ANK2: variants seen among roughly 807,000 people sequenced by gnomAD.
ANK2 encodes the protein ankyrin 2, also known as ankyrin-2.
ANK2 carries 83 observed loss-of-function variants against 360.5 expected under a neutral mutation model. That is an observed-to-expected ratio of 0.23 (90% CI 0.19 to 0.28). The LOEUF (loss-of-function observed/expected upper bound fraction) is 0.28. ANK2 is among the 10% of genes least tolerant of loss of function. The probability of loss-of-function intolerance (pLI) is 1.00; values close to 1 mark genes in which losing one functional copy is unlikely to be tolerated. For missense variants in ANK2, 4,201 were observed against 4,795.7 expected, an observed-to-expected ratio of 0.88 and a Z score of 3.66; for synonymous variants, 1,740 against 1,759.5, an observed-to-expected ratio of 0.99 and a Z score of 0.28.
intron 11 of ANK2, 55 bp downstream of exon 11, chr4:113,255,987 C>T (rs2049088151): frequency 6.4e-7 from 1 of 1,565,000 alleles, no homozygotes; most frequent in Non-Finnish European, 8.8e-7. Flanking sequence ...AACAAACCCA[C>T]ATTCATTGAC....
chr4:113,185,017 C>G (rs921965487), intron 2 of ANK2, among the ~76,000 whole-genome samples: 1 of 152,096 alleles, frequency 6.6e-6, no homozygotes, highest in Non-Finnish European at 1.5e-5. Context: ...CGTCCATGTC[C>G]CTGCAAAGGA....
chr4:113,001,842 A>C (rs1242474786), intron 2 of ANK2, among the ~76,000 whole-genome samples: 1 of 152,122 alleles, frequency 6.6e-6, no homozygotes. Flanking sequence ...TATGACAGCG[A>C]ATCTCAACAG....
At chr4:112,979,756 CCTT>C (rs1227571574) in intron 2 of ANK2, 1 of 152,234 alleles carries the variant, frequency 6.6e-6, no homozygotes, top group Non-Finnish European at 1.5e-5. Flanking sequence ...GTGGGTAGCT[CCTT>C]CTTGCAGCTG....
intron 1 of ANK2, among the ~76,000 whole-genome samples, chr4:112,825,346 A>T (rs1028417914): frequency 1.3e-5 from 2 of 152,118 alleles, no homozygotes; most frequent in African/African-American, 4.8e-5. Context: ...ATAAAAAAAA[A>T]ATTTAAAAAA....
the ANK2 span, among the ~76,000 whole-genome samples, chr4:112,717,796 T>A: frequency 6.6e-6 from 1 of 152,052 alleles, no homozygotes; most frequent in East Asian, 1.9e-4. Flanking sequence ...AAAAAATATT[T>A]ATAAATATAA....
At chr4:113,257,790 G>A (rs2153632292) in intron 11 of ANK2, among the ~76,000 whole-genome samples, 1 of 152,232 alleles carries the variant, frequency 6.6e-6, no homozygotes, top group South Asian at 2.1e-4. Flanking sequence ...TTAAAGAGAA[G>A]GACCATGTAT....
intron 2 of ANK2, among the ~76,000 whole-genome samples, chr4:112,910,769 A>C (rs992819733): frequency 3.3e-5 from 5 of 152,184 alleles, no homozygotes. Context: ...AAAGAGGATA[A>C]TATTTGGAAG....
intron 1 of ANK2, among the ~76,000 whole-genome samples, chr4:113,133,841 G>A (rs577544252): frequency 6.6e-6 from 1 of 152,300 alleles, no homozygotes; most frequent in East Asian, 1.9e-4. Flanking sequence ...TAAGACCCCA[G>A]ATGACTTGAA....
chr4:113,319,213 G>A (rs867230070), intron 26 of ANK2, among the ~76,000 whole-genome samples: 2 of 152,032 alleles, frequency 1.3e-5, no homozygotes, highest in South Asian at 4.1e-4. Flanking sequence ...AATGCTGCCT[G>A]TTTTTATTAA....
the ANK2 span, among the ~76,000 whole-genome samples, chr4:112,726,851 CA>C: frequency 0.035 from 2,410 of 69,416 alleles, 21 homozygotes; most frequent in African/African-American, 0.1. Context: ...GACTCTGTCT[CA>C]AAAAAAAAAA....
At position 113,144,770 on chromosome 4, in the gene ANK2, C is replaced by T. The variant is rs1031363945; in HGVS notation, c.85-29646C>T. On this transcript the variant is annotated intron_variant, in intron 1 of 45. Transcript: ENST00000357077. The stretch of plus-strand genomic sequence containing the variant: ...TAATATATTTTATATGGTTTTTAAA[C>T]TATATACTACTTAAACTATATAATA... 2.7e-5 allele frequency among the ~76,000 whole-genome samples: 4 copies of T among 146,284 alleles called. No homozygotes were observed. The Admixed American group carries it at 2.7e-4, about 10-fold the overall frequency.
At chr4:112,924,923 C>T (rs866434778) in intron 2 of ANK2, among the ~76,000 whole-genome samples, 7 of 150,740 alleles carry the variant, frequency 4.6e-5, no homozygotes, top group Non-Finnish European at 1.0e-4. Flanking sequence ...ATTGCAAGCT[C>T]CACCTCCCCG....
At chr4:112,721,073 C>T in the ANK2 span, among the ~76,000 whole-genome samples, 2 of 152,066 alleles carry the variant, frequency 1.3e-5, no homozygotes, top group East Asian at 3.9e-4. Flanking sequence ...GGTTCAGAAG[C>T]CCATGTTTGC....
At chr4:113,219,191 CA>C (rs1190047188) in intron 4 of ANK2, among the ~76,000 whole-genome samples, 3 of 151,982 alleles carry the variant, frequency 2.0e-5, no homozygotes, top group Non-Finnish European at 4.4e-5. Context: ...TGTTGTTAGA[CA>C]ATTTGAAAGT....
intron 2 of ANK2, among the ~76,000 whole-genome samples, chr4:113,007,910 G>A (rs1174592495): frequency 1.3e-5 from 2 of 152,046 alleles, no homozygotes; most frequent in African/African-American, 4.8e-5. Flanking sequence ...TACATAAATT[G>A]CATAGTTCTG....
intron 9 of ANK2, among the ~76,000 whole-genome samples, 155 bp downstream of exon 9, chr4:113,242,364 G>A (rs970334408): frequency 1.3e-5 from 2 of 152,126 alleles, no homozygotes; most frequent in Admixed American, 6.5e-5. Context: ...CATTTAAAGG[G>A]TTCATACCGT....
At chr4:112,729,616 T>C in the ANK2 span, among the ~76,000 whole-genome samples, 1 of 151,486 alleles carries the variant, frequency 6.6e-6, no homozygotes, top group Non-Finnish European at 1.5e-5. Flanking sequence ...GGCATGGTGG[T>C]GCATGCCTGT....
At chr4:112,911,512 T>G in intron 2 of ANK2, among the ~76,000 whole-genome samples, 1 of 151,566 alleles carries the variant, frequency 6.6e-6, no homozygotes, top group East Asian at 2.0e-4. Context: ...AACAGAGCGA[T>G]ATATCTCACT....
chr4:113,319,240 A>G (rs1193873315), intron 26 of ANK2, among the ~76,000 whole-genome samples: 1 of 152,274 alleles, frequency 6.6e-6, no homozygotes, highest in Admixed American at 6.5e-5. Flanking sequence ...AAAAAATAGG[A>G]GTTTGAGTCA....
Sources: allele counts gnomAD v4.1 joint callset (sites outside exome capture counted in the v4.1 genomes callset), GRCh38; gene constraint gnomAD v4.1.1; transcripts MANE v1.5; gene names NCBI Gene and HGNC (gene_info 2026-07-23, HGNC 2026-07-21).